PIAS2: variants seen among roughly 807,000 people sequenced by gnomAD.
PIAS2 encodes E3 SUMO-protein ligase PIAS2.
A neutral mutation model predicts 69.7 loss-of-function variants in PIAS2; 19 were observed. The observed-to-expected ratio is 0.27, with a 90% CI of 0.19 to 0.40. PIAS2 has a LOEUF of 0.40. Among genes scored for constraint, PIAS2 ranks in the 10% least tolerant of loss-of-function variants. The probability of loss-of-function intolerance (pLI) is 1.00; values close to 1 mark genes in which losing one functional copy is unlikely to be tolerated. For synonymous variants in PIAS2, 261 were observed against 263.2 expected, an observed-to-expected ratio of 0.99 and a Z score of 0.08; for missense variants, 624 against 757.0, an observed-to-expected ratio of 0.82 and a Z score of 2.06.
intron 2 of PIAS2, among the ~76,000 whole-genome samples, chr18:46,867,299 A>G (rs1279620074): frequency 2.0e-5 from 3 of 151,816 alleles, no homozygotes; most frequent in Admixed American, 6.6e-5. Flanking sequence ...CTATAACCAG[A>G]CTCCAGGAAC....
chr18:46,912,509 C>T (rs1022504395), intron 1 of PIAS2, among the ~76,000 whole-genome samples: 2 of 152,020 alleles, frequency 1.3e-5, no homozygotes, highest in Non-Finnish European at 1.5e-5. Context: ...CATTCACAGA[C>T]ATGAAGGGCC....
chr18:46,826,229 T>C (rs1454754012), intron 11 of PIAS2, among the ~76,000 whole-genome samples: 2 of 152,260 alleles, frequency 1.3e-5, no homozygotes, highest in Non-Finnish European at 2.9e-5. Context: ...ATCTCTATAG[T>C]AGCTGATCAC....
intron 11 of PIAS2, among the ~76,000 whole-genome samples, chr18:46,822,971 T>C (rs2042342400): frequency 6.6e-6 from 1 of 151,844 alleles, no homozygotes; most frequent in Non-Finnish European, 1.5e-5. Context: ...GGCAAGGTGG[T>C]TCACACCTGT....
rs2040668923 is a variant in PIAS2 at position 46,806,025 on chromosome 18, A to G, written c.*6408T>C. The stretch of plus-strand genomic sequence containing the variant: ...CCTTACTCCTATATTCAGTCACTGA[A>G]TCTTGAGTCTTCCTTTGAAATGGCT... On this transcript the variant is annotated 3_prime_UTR_variant, in exon 14 of 14. Coordinates refer to ENST00000585916, the MANE Select transcript of PIAS2 (RefSeq NM_004671.5). 1 of 152,206 alleles carries G rather than the reference A, an allele frequency of 6.6e-6. No individual in the cohort carries two copies. The highest frequency in any genetic ancestry group is 2.4e-5 in the African/African-American group (1 of 41,450). The allele number at this position is 152,206 out of a possible 1,614,324, so 9.4% of individuals were successfully genotyped here.
At chr18:46,825,034 A>G (rs114819161) in intron 11 of PIAS2, among the ~76,000 whole-genome samples, 1 of 151,908 alleles carries the variant, frequency 6.6e-6, no homozygotes, top group South Asian at 2.1e-4. Context: ...AGTTGCTCAC[A>G]TAATTTCGGG....
chr18:46,866,031 A>T (rs1375607363), intron 2 of PIAS2, among the ~76,000 whole-genome samples: 2 of 152,218 alleles, frequency 1.3e-5, no homozygotes, highest in East Asian at 3.8e-4. Flanking sequence ...CTGCATTTTA[A>T]TCTTAATTAA....
chr18:46,824,758 T>C (rs2042606546), intron 11 of PIAS2, among the ~76,000 whole-genome samples: 1 of 151,884 alleles, frequency 6.6e-6, no homozygotes, highest in Non-Finnish European at 1.5e-5. Context: ...ATCCTAGCAC[T>C]TTGGCAGGCC....
In PIAS2 at chr18:46,810,478, T is replaced by A. The variant is rs2040927490; in HGVS notation, c.*1955A>T. ...AACATAAAACTTTATTAGAAAGAAA[T>A]ACTATATCTGGACCAAAAAACTGCA... On this transcript the variant is annotated 3_prime_UTR_variant, in exon 14 of 14. Transcript: ENST00000585916. 1 of 152,190 alleles carries A rather than the reference T, an allele frequency of 6.6e-6. No homozygotes were observed. Among genetic ancestry groups the A allele is most frequent in the African/African-American group, 2.4e-5 (1 of 41,538 alleles). The allele number at this position is 152,190 out of a possible 1,614,324, so 9.4% of individuals were successfully genotyped here.
Position 46,812,540 on chromosome 18 carries a change from T to C in PIAS2, c.1759A>G (p.Ser587Gly), listed in dbSNP as rs771359312. The C allele has an allele frequency of 6.2e-7, 1 of 1,612,686 alleles. No individual in the cohort carries two copies. Among genetic ancestry groups the C allele is most frequent in the South Asian group, 1.1e-5 (1 of 91,024 alleles). ...TASSTSVTTT[S>G]SHESSTHVSS... ...ACATGAGTACTGCTTTCATGGGAGC[T>C]GGTGGTGGTGACAGACGTACTGCTT... Residue 587 changes from serine to glycine, a missense_variant, in exon 14 of 14, where the codon AGC becomes GGC. By Grantham distance (56) the Ser-to-Gly change is moderately conservative. Coordinates refer to ENST00000585916, the MANE Select transcript of PIAS2 (RefSeq NM_004671.5).
upstream of PIAS2, chr18:46,917,627 C>T (rs896011176): frequency 4.1e-5 from 38 of 915,802 alleles, no homozygotes; most frequent in East Asian, 3.4e-3. Context: ...AGCGCCCGCC[C>T]GCGCCTGCCC....
Position 46,902,525 on chromosome 18 carries a change from A to G in PIAS2, c.25-11471T>C, listed in dbSNP as rs932885744. 2.0e-5 allele frequency among the ~76,000 whole-genome samples: 3 copies of G among 152,054 alleles called. No individual in the cohort carries two copies. The South Asian group carries it at 6.2e-4, about 31-fold the overall frequency. ...CAGCGAGCCGAGATCGTGCCATTGC[A>G]CTCCAGCCTGGGCAACAAAAGTAAA... On this transcript the variant is annotated intron_variant, in intron 1 of 13. Transcript: ENST00000585916.
chr18:46,867,736 T>A (rs1247397096), intron 2 of PIAS2, among the ~76,000 whole-genome samples: 1 of 152,264 alleles, frequency 6.6e-6, no homozygotes, highest in Non-Finnish European at 1.5e-5. Context: ...TCCTCCTTTT[T>A]ATGTAAACTT....
At chr18:46,822,750 A>G (rs1332683064) in intron 11 of PIAS2, among the ~76,000 whole-genome samples, 1 of 152,152 alleles carries the variant, frequency 6.6e-6, no homozygotes, top group Non-Finnish European at 1.5e-5. Context: ...AACTGGAGGA[A>G]GGACACAGTG....
At chr18:46,891,170 G>A in intron 1 of PIAS2, 116 bp from the exon 2 acceptor site, 1 of 738,130 alleles carries the variant, frequency 1.4e-6, no homozygotes, top group Non-Finnish European at 2.3e-6. Flanking sequence ...GCATGTGCTA[G>A]TAACAGCATT....
chr18:46,821,123 G>A (rs764843013), intron 11 of PIAS2, 51 bp from the exon 12 acceptor site: 4 of 1,594,946 alleles, frequency 2.5e-6, no homozygotes, highest in Non-Finnish European at 3.4e-6. Context: ...TTAGTTCACA[G>A]GAGAGAAGAG....
chr18:46,918,825 T>A (rs899896387), upstream of PIAS2, among the ~76,000 whole-genome samples: 1 of 152,144 alleles, frequency 6.6e-6, no homozygotes, highest in Non-Finnish European at 1.5e-5. Flanking sequence ...GGTTTCACTT[T>A]AAGTGTCACT....
intron 2 of PIAS2, among the ~76,000 whole-genome samples, chr18:46,886,663 C>A (rs1309462260): frequency 1.3e-5 from 2 of 152,086 alleles, no homozygotes; most frequent in Non-Finnish European, 2.9e-5. Context: ...CGTAACGAAA[C>A]CCCATCTCTA....
chr18:46,904,768 A>AC (rs1230948719), intron 1 of PIAS2, among the ~76,000 whole-genome samples: 3 of 151,770 alleles, frequency 2.0e-5, no homozygotes, highest in Non-Finnish European at 2.9e-5. Context: ...AAAAAAAAAA[A>AC]AACAGAGATG....
chr18:46,811,612 T>C lies in PIAS2; in HGVS notation c.*821A>G, dbSNP rs922041908. 2 of 152,224 alleles carry C rather than the reference T, an allele frequency of 1.3e-5. No individual in the cohort carries two copies. Among genetic ancestry groups the C allele is most frequent in the African/African-American group, 4.8e-5 (2 of 41,454 alleles). The allele number at this position is 152,224 out of a possible 1,614,324, so 9.4% of individuals were successfully genotyped here. A position where few individuals can be genotyped will look rare whatever the true frequency, so the allele number is the denominator to read the frequency against. On this transcript the variant is annotated 3_prime_UTR_variant, in exon 14 of 14. Coordinates refer to ENST00000585916, the MANE Select transcript of PIAS2 (RefSeq NM_004671.5). The stretch of plus-strand genomic sequence containing the variant: ...TCATTCAATGGCTGCATAGTTTCTT[T>C]TTTGAGAAGGCAAGCCTCAAATTTA...
Sources: gnomAD v4.1 joint callset for allele counts (sites outside exome capture counted in the v4.1 genomes callset) on GRCh38, gnomAD v4.1.1 for gene constraint, MANE v1.5 for transcripts, NCBI Gene and HGNC (gene_info 2026-07-23, HGNC 2026-07-21) for gene names.